The following SPAG16 variants were observed in gnomAD, a reference collection of about 807,000 sequenced individuals.
SPAG16 encodes sperm-associated antigen 16 protein.
In SPAG16, 86 loss-of-function variants were observed where a neutral mutation model predicts 80.4. The ratio of observed to expected loss-of-function variants is 1.07; its 90% CI spans 0.90 to 1.28. The LOEUF (loss-of-function observed/expected upper bound fraction) is 1.28, where lower values mean the gene tolerates loss of function less well. SPAG16 is among the 50% of genes most tolerant of loss of function. The pLI, the probability that SPAG16 is intolerant of heterozygous loss-of-function variation, is 0.00. For missense variants in SPAG16, 870 were observed against 765.3 expected, an observed-to-expected ratio of 1.14 and a Z score of -1.61; for synonymous variants, 294 against 265.9, an observed-to-expected ratio of 1.11 and a Z score of -1.03.
At chr2:214,336,042 C>T (rs1297765091) in intron 15 of SPAG16, among the ~76,000 whole-genome samples, 1 of 152,084 alleles carries the variant, frequency 6.6e-6, no homozygotes, top group Non-Finnish European at 1.5e-5. Flanking sequence ...TGGCTGTGAG[C>T]CACCACGCCC....
chr2:213,976,135 T>TATATATATATATAC (rs749957411), intron 12 of SPAG16, among the ~76,000 whole-genome samples: 173 of 81,346 alleles, frequency 2.1e-3, no homozygotes, highest in South Asian at 0.01. Flanking sequence ...TATATATATA[T>TATATATATATATAC]ACACACACAC....
intron 10 of SPAG16, among the ~76,000 whole-genome samples, chr2:213,645,044 G>C (rs538970222): frequency 6.6e-6 from 1 of 152,316 alleles, no homozygotes; most frequent in East Asian, 1.9e-4. Context: ...GTATTCGGCT[G>C]AGCTAGCTCT....
intron 15 of SPAG16, among the ~76,000 whole-genome samples, chr2:214,247,274 G>T (rs1390318408): frequency 6.6e-6 from 1 of 151,818 alleles, no homozygotes; most frequent in African/African-American, 2.4e-5. Flanking sequence ...TATCTTTTAG[G>T]ATATTCTTTT....
intron 5 of SPAG16, among the ~76,000 whole-genome samples, chr2:213,323,670 G>T (rs756758161): frequency 4.6e-5 from 7 of 152,180 alleles, no homozygotes; most frequent in Non-Finnish European, 7.3e-5. Context: ...GCAGATATTA[G>T]CACTCCTGTG....
rs117742484 is a variant in SPAG16, at chr2:213,711,382, C to T, written c.1071-151103C>T. Among the ~76,000 whole-genome samples the T allele has an allele frequency of 1.2e-3, 185 of 151,928 alleles. 2 individuals carry two copies. The East Asian group carries it at 0.025, about 20-fold the overall frequency. Reference sequence around the variant, plus strand: ...AAAAGTTATGCATGTTTACATAAGACGTTAAAAGTAAAGTAAAAACTCATT... The same window carrying T: ...AAAAGTTATGCATGTTTACATAAGATGTTAAAAGTAAAGTAAAAACTCATT... On this transcript the variant is annotated intron_variant, in intron 10 of 15. Coordinates refer to ENST00000331683, the MANE Select transcript of SPAG16 (RefSeq NM_024532.5).
chr2:214,125,562 G>C (rs188614402), intron 14 of SPAG16, among the ~76,000 whole-genome samples: 2 of 151,632 alleles, frequency 1.3e-5, no homozygotes, highest in East Asian at 3.9e-4. Flanking sequence ...GCAAACAGAA[G>C]GACAGTCTGT....
chr2:214,270,466 G>A (rs536014924), intron 15 of SPAG16, among the ~76,000 whole-genome samples: 1 of 152,184 alleles, frequency 6.6e-6, no homozygotes, highest in South Asian at 2.1e-4. Flanking sequence ...CAATTTGAGT[G>A]GTCTGTCACT....
At chr2:213,328,310 G>A (rs943480469) in intron 5 of SPAG16, among the ~76,000 whole-genome samples, 1 of 151,944 alleles carries the variant, frequency 6.6e-6, no homozygotes, top group Non-Finnish European at 1.5e-5. Flanking sequence ...AATGTTCTAA[G>A]ATCTTATTCA....
At position 213,526,369 on chromosome 2, in the gene SPAG16, A is replaced by T. The variant is rs139714675; in HGVS notation, c.1070+36279A>T. Among the ~76,000 whole-genome samples, 120 of 152,010 alleles carry T rather than the reference A, an allele frequency of 7.9e-4. 2 individuals carry two copies. Among genetic ancestry groups the T allele is most frequent in the Middle Eastern group, 3.4e-3 (1 of 294 alleles). Reference sequence around the variant, plus strand: ...CTTTTTTCCTGGGGTTATTTTCATTATTTTCTCTTGTTTAATTCTATACAC... The same window carrying T: ...CTTTTTTCCTGGGGTTATTTTCATTTTTTTCTCTTGTTTAATTCTATACAC... On this transcript the variant is annotated intron_variant, in intron 10 of 15. Coordinates refer to ENST00000331683, the MANE Select transcript of SPAG16 (RefSeq NM_024532.5).
intron 15 of SPAG16, among the ~76,000 whole-genome samples, chr2:214,298,823 C>T (rs892470775): frequency 6.6e-6 from 1 of 152,052 alleles, no homozygotes; most frequent in Non-Finnish European, 1.5e-5. Context: ...GCAAAGACTG[C>T]TCTAGATTTT....
At chr2:214,396,902 A>T (rs897372361) in intron 15 of SPAG16, among the ~76,000 whole-genome samples, 1 of 151,908 alleles carries the variant, frequency 6.6e-6, no homozygotes, top group African/African-American at 2.4e-5. Context: ...AATAGCCCTT[A>T]AAAAAAGCAC....
chr2:214,106,519 T>G (rs1038605494), intron 13 of SPAG16, among the ~76,000 whole-genome samples: 4 of 152,178 alleles, frequency 2.6e-5, no homozygotes, highest in Non-Finnish European at 2.9e-5. Context: ...GAATTGATTC[T>G]TTAAATTGAT....
At chr2:213,354,013 C>G (rs1190237732) in intron 7 of SPAG16, among the ~76,000 whole-genome samples, 2 of 152,122 alleles carry the variant, frequency 1.3e-5, no homozygotes, top group Non-Finnish European at 2.9e-5. Context: ...TTAGGTATTT[C>G]TCTTAATGCT....
intron 15 of SPAG16, among the ~76,000 whole-genome samples, chr2:214,352,733 CT>C (rs1166736142): frequency 5.9e-5 from 9 of 151,890 alleles, no homozygotes; most frequent in African/African-American, 1.5e-4. Context: ...TTTGGTCATT[CT>C]TTTTTTATTT....
At chr2:213,450,048 T>C (rs1415469531) in intron 9 of SPAG16, among the ~76,000 whole-genome samples, 1 of 152,198 alleles carries the variant, frequency 6.6e-6, no homozygotes, top group Non-Finnish European at 1.5e-5. Flanking sequence ...CTCACACCTG[T>C]AATCCCAGCA....
chr2:214,267,410 CA>C (rs1691655780), intron 15 of SPAG16, among the ~76,000 whole-genome samples: 1 of 151,440 alleles, frequency 6.6e-6, no homozygotes, highest in South Asian at 2.1e-4. Context: ...ACAGTCCCTT[CA>C]AAAAATGATA....
chr2:213,403,055 G>C (rs2068411221), intron 9 of SPAG16, among the ~76,000 whole-genome samples: 1 of 151,768 alleles, frequency 6.6e-6, no homozygotes, highest in Admixed American at 6.6e-5. Flanking sequence ...CAGTGTCAAA[G>C]TGTTCCTATT....
chr2:214,299,799 T>C lies in SPAG16; in HGVS notation c.1721-110341T>C, dbSNP rs77005689. Among the ~76,000 whole-genome samples the C allele has an allele frequency of 6.3e-3, 963 of 152,306 alleles. 6 individuals carry two copies. Among genetic ancestry groups the C allele is most frequent in the African/African-American group, 0.022 (902 of 41,568 alleles). On this transcript the variant is annotated intron_variant, in intron 15 of 15. Coordinates refer to ENST00000331683, the MANE Select transcript of SPAG16 (RefSeq NM_024532.5). The stretch of plus-strand genomic sequence containing the variant: ...ATTACTCAAGTCAATGATTTATCTA[T>C]GCCTGTAGATACCTGTATGAATTGG...
intron 10 of SPAG16, among the ~76,000 whole-genome samples, chr2:213,743,474 T>G (rs1291703558): frequency 1.3e-5 from 2 of 151,890 alleles, no homozygotes; most frequent in Non-Finnish European, 2.9e-5. Context: ...TGCTCCCTTA[T>G]TTTTTCCCTA....
Sources: allele counts gnomAD v4.1 joint callset (sites outside exome capture counted in the v4.1 genomes callset), GRCh38; gene constraint gnomAD v4.1.1; transcripts MANE v1.5; gene names NCBI Gene and HGNC (gene_info 2026-07-23, HGNC 2026-07-21).